Variants in MARCKSL1 observed in about 807,000 individuals in gnomAD.
MARCKSL1 encodes the protein MARCKS like 1, also known as MARCKS-related protein.
Under a neutral mutation model 13.3 loss-of-function variants are expected in MARCKSL1, and 5 were observed. The ratio of observed to expected loss-of-function variants is 0.38; its 90% CI spans 0.20 to 0.79. The LOEUF is 0.79. Ranked by LOEUF, MARCKSL1 falls within the 30% of genes least tolerant of loss-of-function variation. MARCKSL1 has a pLI of 0.45. For missense variants in MARCKSL1, 274 were observed against 251.6 expected, an observed-to-expected ratio of 1.09 and a Z score of -0.60; for synonymous variants, 126 against 103.2, an observed-to-expected ratio of 1.22 and a Z score of -1.34.
At position 32,335,230 on chromosome 1, in the gene MARCKSL1, A is replaced by T. The variant is rs1641366678; in HGVS notation, c.88-133T>A. ...AAAGTCTGGCTTCAGCCTCACCCAC[A>T]CCCAGGATCCCGTCAAACACCTCCC... is the stretch of plus-strand genomic sequence containing the variant. On this transcript the variant is annotated intron_variant, in intron 1 of 1. Transcript: ENST00000329421. The surrounding 1 kb of genome is among the most constrained non-coding windows in gnomAD (Gnocchi z 4.1). 3 of 1,006,134 alleles carry T rather than the reference A, an allele frequency of 3.0e-6. No individual in the cohort carries two copies. The highest frequency in any genetic ancestry group is 3.9e-6 in the Non-Finnish European group (3 of 759,732). 62.3% of individuals were successfully genotyped at this position (1,006,134 alleles called of 1,614,324 possible).
In MARCKSL1 at chr1:32,335,004, T is replaced by G; in HGVS notation, c.181A>C (p.Thr61Pro). ...GGTGCTGGCTCGATGGCATCGCCAG[T>G]GGCCCCGGCTGCCTCATCTGTTCCG... ...VNGTDEAAGA[T>P]GDAIEPAPPS... is the part of the protein sequence containing the mutation. Residue 61 changes from threonine (T) to proline (P), a missense_variant, in exon 2 of 2, where the codon ACT becomes CCT. By Grantham distance (38) the Thr-to-Pro change is conservative. Coordinates refer to ENST00000329421, the MANE Select transcript of MARCKSL1 (RefSeq NM_023009.7). The surrounding 1 kb of genome is among the most constrained non-coding windows in gnomAD (Gnocchi z 4.1). The G allele has an allele frequency of 6.2e-7, 1 of 1,604,762 alleles. No individual in the cohort carries two copies. Among genetic ancestry groups the G allele is most frequent in the Non-Finnish European group, 8.5e-7 (1 of 1,175,732 alleles).
chr1:32,335,120 A>G lies in MARCKSL1; in HGVS notation c.88-23T>C, dbSNP rs1641364310. ...CTCCTGCAGGGCAGAGGGAATAGCA[A>G]TGAGGGCAGGGGCTCCCCCTCCCCC... On this transcript the variant is annotated intron_variant, in intron 1 of 1. Coordinates refer to ENST00000329421, the MANE Select transcript of MARCKSL1 (RefSeq NM_023009.7). The surrounding 1 kb of genome is among the most constrained non-coding windows in gnomAD (Gnocchi z 4.1). 1 of 1,513,676 alleles carries G rather than the reference A, an allele frequency of 6.6e-7. No individual in the cohort carries two copies. Among genetic ancestry groups the G allele is most frequent in the African/African-American group, 1.4e-5 (1 of 71,680 alleles). The allele number at this position is 1,513,676 out of a possible 1,614,324, so 93.8% of individuals were successfully genotyped here. A position where few individuals can be genotyped will look rare whatever the true frequency, so the allele number is the denominator to read the frequency against.
rs773885030 is a variant in MARCKSL1, at chr1:32,334,815, C to T, written c.370G>A (p.Glu124Lys). 1.9e-6 allele frequency: 3 copies of T among 1,612,236 alleles called. No homozygotes were observed. The Admixed American group carries it at 5.0e-5, about 27-fold the overall frequency. ...GDSSASSPTE[E>K]EQEQGEIGAC... ...CCGATCTCCCCCTGCTCCTGCTCTT[C>T]CTCTGTGGGTGAGGAGGCAGAAGAA... Residue 124 changes from glutamate to lysine, a missense_variant, in exon 2 of 2, where the codon GAA (glutamate) becomes AAA (lysine). Transcript: ENST00000329421.
Position 32,335,997 on chromosome 1 carries a change from C to T in MARCKSL1, c.37G>A (p.Val13Met), listed in dbSNP as rs1641386322. ...SQSSKAPRGD[V>M]TAEEAAGASP... is the part of the protein sequence containing the mutation. ...GCGCCTGCTGCCTCCTCGGCGGTCA[C>T]GTCGCCCCGGGGAGCCTTGGAGCTC... The change falls in exon 1 of 2, where the codon GTG becomes ATG. Residue 13 changes from valine (V) to methionine (M), a missense_variant. Val to Met is a conservative substitution (Grantham distance 21, BLOSUM62 1). Transcript: ENST00000329421. This position sits in a 1 kb window ranked among gnomAD's most constrained non-coding sequence, Gnocchi z 4.1. The T allele has an allele frequency of 3.1e-6, 4 of 1,295,872 alleles. No homozygotes were observed. The highest frequency in any genetic ancestry group is 3.9e-6 in the Non-Finnish European group (4 of 1,020,568). 80.3% of individuals were successfully genotyped at this position (1,295,872 alleles called of 1,614,324 possible). A position where few individuals can be genotyped will look rare whatever the true frequency, so the allele number is the denominator to read the frequency against.
rs1641375646 is a variant in MARCKSL1, at chr1:32,335,545, G to A, written c.87+402C>T. On this transcript the variant is annotated intron_variant, in intron 1 of 1. Transcript: ENST00000329421. This position sits in a 1 kb window ranked among gnomAD's most constrained non-coding sequence, Gnocchi z 4.1. ...CCACCCCAGGCTCTCCCGCATCTCG[G>A]CTCCCCCTTAAAAAAAAAAAGACCG... Among the ~76,000 whole-genome samples, 1 of 151,290 alleles carries A rather than the reference G, an allele frequency of 6.6e-6. No homozygotes were observed. Among genetic ancestry groups the A allele is most frequent in the African/African-American group, 2.4e-5 (1 of 41,246 alleles).
rs1263757250 is a variant in MARCKSL1, at chr1:32,335,040, G to A, written c.145C>T (p.Pro49Ser). ...DLSPKGEGES[P>S]PVNGTDEAAG... ...GCCTCATCTGTTCCGTTCACAGGGG[G>A]CGACTCCCCTTCACCCTTGGGGGAT... Residue 49 changes from proline to serine, a missense_variant, in exon 2 of 2, where the codon CCC becomes TCC. Coordinates refer to ENST00000329421, the MANE Select transcript of MARCKSL1 (RefSeq NM_023009.7). The surrounding 1 kb of genome is among the most constrained non-coding windows in gnomAD (Gnocchi z 4.1). The A allele has an allele frequency of 1.3e-5, 20 of 1,568,458 alleles. No homozygotes were observed. Among genetic ancestry groups the A allele is most frequent in the Admixed American group, 2.0e-5 (1 of 50,988 alleles).
At position 32,333,949 on chromosome 1, in the gene MARCKSL1, TAA is replaced by T. The variant is rs763506458; in HGVS notation, c.*646_*647del. The stretch of plus-strand genomic sequence containing the variant: ...AAGTACAAATCTGGGGTTTGGCCAT[TAA>T]AAGTTATTTACAACAGTGGGAGAAA... On this transcript the variant is annotated 3_prime_UTR_variant, in exon 2 of 2. Transcript: ENST00000329421. The T allele has an allele frequency of 6.6e-6, 1 of 150,530 alleles. No homozygotes were observed. The highest frequency in any genetic ancestry group is 1.5e-5 in the Non-Finnish European group (1 of 67,782). 9.3% of individuals were successfully genotyped at this position (150,530 alleles called of 1,614,324 possible). A position where few individuals can be genotyped will look rare whatever the true frequency, so the allele number is the denominator to read the frequency against.
In MARCKSL1 at chr1:32,334,741, G is replaced by C. The variant is rs1360871915; in HGVS notation, c.444C>G (p.Thr148=). 1 of 1,611,908 alleles carries C rather than the reference G, an allele frequency of 6.2e-7. No homozygotes were observed. The highest frequency in any genetic ancestry group is 2.2e-5 in the East Asian group (1 of 44,894). ...TGGCCTGGGGTTCCTGGCTCTCAGG[G>C]GTGGCTGCGGCCTTCCCTTCCTGAG... ...GTAQEGKAAA[T]PESQEPQAKG... is the part of the protein sequence containing the mutation. Residue 148 remains threonine, a synonymous_variant, in exon 2 of 2, where the codon ACC becomes ACG. Transcript: ENST00000329421.
rs1477520142 is a variant in MARCKSL1 at position 32,335,451 on chromosome 1, G to T, written c.88-354C>A. On this transcript the variant is annotated intron_variant, in intron 1 of 1. Coordinates refer to ENST00000329421, the MANE Select transcript of MARCKSL1 (RefSeq NM_023009.7). The surrounding 1 kb of genome is among the most constrained non-coding windows in gnomAD (Gnocchi z 4.1). ...GCGACATTGGGCGGGAAGCCGCCCC[G>T]GGGCGCTGTCTCTCTGCACCTGGAC... 6.6e-6 allele frequency among the ~76,000 whole-genome samples: 1 copy of T among 151,856 alleles called. No individual in the cohort carries two copies. Among genetic ancestry groups the T allele is most frequent in the African/African-American group, 2.4e-5 (1 of 41,374 alleles).
chr1:32,334,317 C>A lies in MARCKSL1; in HGVS notation c.*280G>T. Reference sequence around the variant, plus strand: ...CAACTGCCTTATGCAGGGGTGGGGACAGGGAAGGAGGTAGGGCCAGGGACA... The same window carrying A: ...CAACTGCCTTATGCAGGGGTGGGGAAAGGGAAGGAGGTAGGGCCAGGGACA... On this transcript the variant is annotated 3_prime_UTR_variant, in exon 2 of 2. Transcript: ENST00000329421. 2 of 347,152 alleles carry A rather than the reference C, an allele frequency of 5.8e-6. No individual in the cohort carries two copies. Among genetic ancestry groups the A allele is most frequent in the Non-Finnish European group, 1.0e-5 (2 of 193,174 alleles). 21.5% of individuals were successfully genotyped at this position (347,152 alleles called of 1,614,324 possible).
chr1:32,335,204 G>T lies in MARCKSL1; in HGVS notation c.88-107C>A. On this transcript the variant is annotated intron_variant, in intron 1 of 1. Coordinates refer to ENST00000329421, the MANE Select transcript of MARCKSL1 (RefSeq NM_023009.7). This position sits in a 1 kb window ranked among gnomAD's most constrained non-coding sequence, Gnocchi z 4.1. ...CCTCGATTCGATTCTACTGCAACCC[G>T]AAAGTCTGGCTTCAGCCTCACCCAC... 8.1e-7 allele frequency: 1 copy of T among 1,231,224 alleles called. No homozygotes were observed. Among genetic ancestry groups the T allele is most frequent in the South Asian group, 2.4e-5 (1 of 42,198 alleles). The allele number at this position is 1,231,224 out of a possible 1,614,324, so 76.3% of individuals were successfully genotyped here.
Position 32,334,941 on chromosome 1 carries a change from G to T in MARCKSL1, c.244C>A (p.Pro82Thr). ...TTCTTCTTCTTGGGGGTCTCCTTGG[G>T]GGGGACCTCCCCCTTGGCCTCAGCA... Reference protein sequence around the residue: ...QGAEAKGEVPPKETPKKKKKF... With the variant: ...QGAEAKGEVPTKETPKKKKKF... Residue 82 changes from proline (P) to threonine (T), a missense_variant, in exon 2 of 2, where the codon CCC becomes ACC. By Grantham distance (38) the Pro-to-Thr change is conservative. Transcript: ENST00000329421. 1 of 1,612,292 alleles carries T rather than the reference G, an allele frequency of 6.2e-7. No homozygotes were observed. Among genetic ancestry groups the T allele is most frequent in the Non-Finnish European group, 8.5e-7 (1 of 1,179,926 alleles).
At position 32,335,824 on chromosome 1, in the gene MARCKSL1, G is replaced by A. The variant is rs986350565; in HGVS notation, c.87+123C>T. ...GGCGCCGAGAACAAAGGGACCGGGC[G>A]GGGGAGGGGGCGCCGCGTGTCCCGG... On this transcript the variant is annotated intron_variant, in intron 1 of 1. Coordinates refer to ENST00000329421, the MANE Select transcript of MARCKSL1 (RefSeq NM_023009.7). The surrounding 1 kb of genome is among the most constrained non-coding windows in gnomAD (Gnocchi z 4.1). 45 of 409,818 alleles carry A rather than the reference G, an allele frequency of 1.1e-4. No homozygotes were observed. The highest frequency in any genetic ancestry group is 9.6e-5 in the Non-Finnish European group (24 of 250,872). 25.4% of individuals were successfully genotyped at this position (409,818 alleles called of 1,614,324 possible).
In MARCKSL1 at chr1:32,334,274, A is replaced by C. The variant is rs1641345387; in HGVS notation, c.*323T>G. On this transcript the variant is annotated 3_prime_UTR_variant, in exon 2 of 2. Coordinates refer to ENST00000329421, the MANE Select transcript of MARCKSL1 (RefSeq NM_023009.7). ...GTAAACAAAACCTACTTGGAAAAGA[A>C]TTGGGGAAGAAAACCAACAACTGCC... 4.1e-6 allele frequency: 1 copy of C among 246,672 alleles called. No individual in the cohort carries two copies. Among genetic ancestry groups the C allele is most frequent in the African/African-American group, 2.2e-5 (1 of 44,880 alleles). The allele number at this position is 246,672 out of a possible 1,614,324, so 15.3% of individuals were successfully genotyped here. A position where few individuals can be genotyped will look rare whatever the true frequency, so the allele number is the denominator to read the frequency against.
chr1:32,335,208 G>T lies in MARCKSL1; in HGVS notation c.88-111C>A. ...GATTCGATTCTACTGCAACCCGAAA[G>T]TCTGGCTTCAGCCTCACCCACACCC... On this transcript the variant is annotated intron_variant, in intron 1 of 1. Coordinates refer to ENST00000329421, the MANE Select transcript of MARCKSL1 (RefSeq NM_023009.7). This position sits in a 1 kb window ranked among gnomAD's most constrained non-coding sequence, Gnocchi z 4.1. 2 of 1,213,612 alleles carry T rather than the reference G, an allele frequency of 1.6e-6. No individual in the cohort carries two copies. Among genetic ancestry groups the T allele is most frequent in the Non-Finnish European group, 2.2e-6 (2 of 930,132 alleles). The allele number at this position is 1,213,612 out of a possible 1,614,324, so 75.2% of individuals were successfully genotyped here.
rs751797812 is a variant in MARCKSL1, at chr1:32,334,856, T to C, written c.329A>G (p.Lys110Arg). Residue 110 changes from lysine to arginine, a missense_variant, in exon 2 of 2, where the codon AAG becomes AGG. By Grantham distance (26) the Lys-to-Arg change is conservative (BLOSUM62 2). Coordinates refer to ENST00000329421, the MANE Select transcript of MARCKSL1 (RefSeq NM_023009.7). The part of the protein sequence containing the change: ...LSGLSFKRNR[K>R]EGGGDSSASS... The stretch of plus-strand genomic sequence containing the variant: ...GGCAGAAGAATCACCCCCACCCTCC[T>C]TCCGATTTCTCTTGAAGGACAGGCC... The C allele has an allele frequency of 1.2e-6, 2 of 1,612,420 alleles. No individual in the cohort carries two copies. The highest frequency in any genetic ancestry group is 1.7e-6 in the Non-Finnish European group (2 of 1,179,948).
Position 32,334,575 on chromosome 1 carries a change from TCACC to T in MARCKSL1, c.*18_*21del. 1 of 1,516,326 alleles carries T rather than the reference TCACC, an allele frequency of 6.6e-7. No individual in the cohort carries two copies. The highest frequency in any genetic ancestry group is 8.8e-7 in the Non-Finnish European group (1 of 1,132,992). 93.9% of individuals were successfully genotyped at this position (1,516,326 alleles called of 1,614,324 possible). A position where few individuals can be genotyped will look rare whatever the true frequency, so the allele number is the denominator to read the frequency against. ...CAGCACAGTTTTTGCAGCTTAGAGATCACCCACCTGCCCCTACCTAGCTACTCAT... is the reference window on the plus strand; with the variant it reads ...CAGCACAGTTTTTGCAGCTTAGAGATCACCTGCCCCTACCTAGCTACTCAT... On this transcript the variant is annotated 3_prime_UTR_variant, in exon 2 of 2. Transcript: ENST00000329421.
rs773058280 is a variant in MARCKSL1, at chr1:32,334,616, C to A, written c.569G>T (p.Ser190Ile). The change falls in exon 2 of 2, where the codon AGC (serine) becomes ATC (isoleucine). Residue 190 changes from serine (S) to isoleucine (I), a missense_variant. By Grantham distance (142) the Ser-to-Ile change is moderately radical (BLOSUM62 -2). Transcript: ENST00000329421. ...ACCTAGCTACTCATTCTGCTCAGCG[C>A]TGGCTGGTGTAGGGCCACTCTCCGG... ...SGPESGPTPA[S>I]AEQNE 3 of 1,573,108 alleles carry A rather than the reference C, an allele frequency of 1.9e-6. No individual in the cohort carries two copies. Among genetic ancestry groups the A allele is most frequent in the East Asian group, 2.2e-5 (1 of 44,480 alleles).
rs763465975 is a variant in MARCKSL1 at position 32,336,038 on chromosome 1, G to A, written c.-5C>T. The stretch of plus-strand genomic sequence containing the variant: ...CTTGGAGCTCTGGCTGCCCATGATG[G>A]GGGTCTGCTGGGGGGCGCTTGGAGC... On this transcript the variant is annotated 5_prime_UTR_variant, in exon 1 of 2. Transcript: ENST00000329421. 2.3e-6 allele frequency: 3 copies of A among 1,286,530 alleles called. No homozygotes were observed. Among genetic ancestry groups the A allele is most frequent in the Non-Finnish European group, 3.0e-6 (3 of 1,014,982 alleles). 79.7% of individuals were successfully genotyped at this position (1,286,530 alleles called of 1,614,324 possible).
Sources: gnomAD v4.1 joint callset for allele counts (sites outside exome capture counted in the v4.1 genomes callset) on GRCh38, gnomAD v4.1.1 for gene constraint, Gnocchi (gnomAD v3.1) non-coding constraint, MANE v1.5 for transcripts, NCBI Gene and HGNC (gene_info 2026-07-23, HGNC 2026-07-21) for gene names.